The following TENM3 variants were observed in gnomAD, a reference collection of about 807,000 sequenced individuals.
The protein encoded by TENM3 is teneurin transmembrane protein 3.
A neutral mutation model predicts 255.1 loss-of-function variants in TENM3; 63 were observed. The observed-to-expected ratio is 0.25, with a 90% CI of 0.20 to 0.30. The LOEUF is 0.30. Ranked by LOEUF, TENM3 falls within the 10% of genes least tolerant of loss-of-function variation. The pLI is 1.00. For synonymous variants in TENM3, 1,306 were observed against 1,322.3 expected (o/e 0.99, Z 0.27); for missense variants, 2,929 against 3,461.1 (o/e 0.85, Z 3.86).
At chr4:182,361,217 G>A (rs537898054) in intron 3 of TENM3, among the ~76,000 whole-genome samples, 404 of 152,066 alleles carry the variant, frequency 2.7e-3, no homozygotes, top group Non-Finnish European at 4.7e-3. Flanking sequence ...TGCTCTTCTC[G>A]AGGAGTATCT....
chr4:182,097,884 T>A, the TENM3 span, among the ~76,000 whole-genome samples: 2 of 152,198 alleles, frequency 1.3e-5, no homozygotes, highest in Non-Finnish European at 1.5e-5. Flanking sequence ...AAAATGTGCA[T>A]AACTTGCTTT....
chr4:182,336,031 G>A (rs927654762), intron 2 of TENM3, among the ~76,000 whole-genome samples: 1 of 152,136 alleles, frequency 6.6e-6, no homozygotes, highest in Admixed American at 6.6e-5. Context: ...CATATATCCA[G>A]GGAATATGCC....
the TENM3 span, among the ~76,000 whole-genome samples, chr4:181,914,606 C>T: frequency 1.3e-5 from 2 of 152,068 alleles, no homozygotes; most frequent in Non-Finnish European, 2.9e-5. Flanking sequence ...CATAAAATGG[C>T]TGCTAAAATA....
At chr4:182,161,330 G>A (rs1252150066) in intron 1 of TENM3, among the ~76,000 whole-genome samples, 7 of 133,074 alleles carry the variant, frequency 5.3e-5, no homozygotes, top group Admixed American at 3.9e-4. Context: ...GCAGGAGAAT[G>A]GCGTGAACCC....
intron 3 of TENM3, among the ~76,000 whole-genome samples, chr4:182,492,509 C>T (rs1735399278): frequency 1.3e-5 from 2 of 152,144 alleles, no homozygotes; most frequent in Admixed American, 1.3e-4. Context: ...TCATGTCAGT[C>T]AGGAATCTTT....
chr4:182,337,377 G>C (rs1764209559), intron 2 of TENM3, among the ~76,000 whole-genome samples: 1 of 151,962 alleles, frequency 6.6e-6, no homozygotes, highest in African/African-American at 2.4e-5. Flanking sequence ...TTTTAAAATG[G>C]GCAAAAAACT....
At chr4:182,010,210 G>A in the TENM3 span, among the ~76,000 whole-genome samples, 3,853 of 152,228 alleles carry the variant, frequency 0.025, 139 homozygotes, top group African/African-American at 0.087. Flanking sequence ...GTATAATGAA[G>A]CATTACTTTG....
chr4:182,237,633 G>A (rs75061414), intron 1 of TENM3, among the ~76,000 whole-genome samples: 2,639 of 152,190 alleles, frequency 0.017, 70 homozygotes, highest in African/African-American at 0.06. Flanking sequence ...AAATTCATTC[G>A]GAATTCTGGA....
chr4:182,490,884 G>C (rs944229302), intron 3 of TENM3, among the ~76,000 whole-genome samples: 1 of 152,202 alleles, frequency 6.6e-6, no homozygotes, highest in African/African-American at 2.4e-5. Flanking sequence ...TTTCATGCCT[G>C]CTTGTGTTTT....
chr4:182,095,885 AAG>A, the TENM3 span, among the ~76,000 whole-genome samples: 2 of 135,120 alleles, frequency 1.5e-5, no homozygotes, highest in African/African-American at 5.3e-5. Flanking sequence ...TTAAAAAAGA[AAG>A]AGATCAATCA....
At chr4:182,572,631 A>G (rs1744508563) in intron 3 of TENM3, among the ~76,000 whole-genome samples, 1 of 152,204 alleles carries the variant, frequency 6.6e-6, no homozygotes, top group African/African-American at 2.4e-5. Context: ...AATTCTAGCA[A>G]ACTGATATAT....
At chr4:181,647,585 A>G in the TENM3 span, among the ~76,000 whole-genome samples, 33 of 152,290 alleles carry the variant, frequency 2.2e-4, no homozygotes, top group African/African-American at 7.5e-4. Context: ...AACAGCCGCA[A>G]GATAAAACAA....
At chr4:182,029,657 T>A in the TENM3 span, among the ~76,000 whole-genome samples, 1 of 152,210 alleles carries the variant, frequency 6.6e-6, no homozygotes, top group Non-Finnish European at 1.5e-5. Flanking sequence ...TGAATCTTGA[T>A]GTAACTGATT....
chr4:181,498,000 T>A, the TENM3 span, among the ~76,000 whole-genome samples: 1 of 152,154 alleles, frequency 6.6e-6, no homozygotes. Flanking sequence ...AAACAGGTAC[T>A]CTCTTTCCTG....
chr4:182,422,313 T>G (rs1770896710), intron 3 of TENM3, among the ~76,000 whole-genome samples: 3 of 152,208 alleles, frequency 2.0e-5, no homozygotes, highest in Non-Finnish European at 2.9e-5. Context: ...TGAAGTTGCA[T>G]CTTTAGAAAG....
the TENM3 span, among the ~76,000 whole-genome samples, chr4:182,111,053 A>G: frequency 6.6e-6 from 1 of 152,176 alleles, no homozygotes; most frequent in African/African-American, 2.4e-5. Flanking sequence ...TTAAAATCCG[A>G]AGTAAAGCAT....
At chr4:181,960,026 A>G in the TENM3 span, among the ~76,000 whole-genome samples, 1 of 152,238 alleles carries the variant, frequency 6.6e-6, no homozygotes, top group Non-Finnish European at 1.5e-5. Flanking sequence ...GAAAATTAAT[A>G]GCTTTATTTT....
chr4:181,498,163 T>C, the TENM3 span, among the ~76,000 whole-genome samples: 4 of 152,162 alleles, frequency 2.6e-5, no homozygotes, highest in Admixed American at 6.5e-5. Flanking sequence ...AACAAGAATA[T>C]AGTCCTCAAC....
rs755423142 is a variant in TENM3, at chr4:182,800,142, C to T, written c.7891C>T (p.Arg2631Trp). 1 of 1,444,308 alleles carries T rather than the reference C, an allele frequency of 6.9e-7. No homozygotes were observed. Among genetic ancestry groups the T allele is most frequent in the Non-Finnish European group, 9.0e-7 (1 of 1,108,364 alleles). 89.5% of individuals were successfully genotyped at this position (1,444,308 alleles called of 1,614,324 possible). A position where few individuals can be genotyped will look rare whatever the true frequency, so the allele number is the denominator to read the frequency against. ...LEQARQRALARAWAREQQRVR... is the reference protein window; with the variant it reads ...LEQARQRALAWAWAREQQRVR... ...GCAGGCGCGGCAGCGCGCGCTCGCC[C>T]GGGCCTGGGCGCGCGAGCAGCAGCG... Residue 2631 changes from arginine (R) to tryptophan (W), a missense_variant, in exon 28 of 28, where the codon CGG becomes TGG. This residue lies in a region of TENM3 where 476 missense variants were observed against 480.1 expected (regional missense o/e 0.99). Transcript: ENST00000511685.
Sources: gnomAD v4.1 joint callset for allele counts (sites outside exome capture counted in the v4.1 genomes callset) on GRCh38, gnomAD v4.1.1 for gene constraint, gnomAD v4.1.1 regional missense constraint, MANE v1.5 for transcripts, NCBI Gene and HGNC (gene_info 2026-07-23, HGNC 2026-07-21) for gene names.